TRDN: variants seen among roughly 807,000 people sequenced by gnomAD.
TRDN encodes triadin.
TRDN carries 161 observed loss-of-function variants against 149.7 expected under a neutral mutation model. The ratio of observed to expected loss-of-function variants is 1.08; its 90% CI spans 0.95 to 1.23. The LOEUF (loss-of-function observed/expected upper bound fraction) is 1.23, where lower values mean the gene tolerates loss of function less well. TRDN is among the 50% of genes most tolerant of loss of function. The probability of loss-of-function intolerance (pLI) is 0.00; values close to 1 mark genes in which losing one functional copy is unlikely to be tolerated. For missense variants in TRDN, 896 were observed against 823.5 expected (o/e 1.09, Z -1.08); for synonymous variants, 294 against 250.5 (o/e 1.17, Z -1.64).
chr6:123,367,464 T>A (rs1401551544), intron 19 of TRDN, among the ~76,000 whole-genome samples: 1 of 152,098 alleles, frequency 6.6e-6, no homozygotes, highest in Non-Finnish European at 1.5e-5. Flanking sequence ...ACATCAGACA[T>A]CAGAAGGAGA....
At chr6:123,463,367 AT>A (rs1295348736) in intron 10 of TRDN, among the ~76,000 whole-genome samples, 8 of 150,604 alleles carry the variant, frequency 5.3e-5, no homozygotes, top group African/African-American at 9.7e-5. Flanking sequence ...TAATAAATAA[AT>A]AAATAAATAA....
intron 12 of TRDN, among the ~76,000 whole-genome samples, chr6:123,407,473 T>C (rs1773243447): frequency 6.6e-6 from 1 of 152,130 alleles, no homozygotes; most frequent in Admixed American, 6.5e-5. Context: ...GCCAACATAG[T>C]GCTTCACCAG....
Position 123,224,113 on chromosome 6 carries a change from G to A in TRDN, c.1994C>T (p.Pro665Leu). The A allele has an allele frequency of 6.2e-7, 1 of 1,610,350 alleles. No individual in the cohort carries two copies. The highest frequency in any genetic ancestry group is 2.2e-5 in the East Asian group (1 of 44,754). ...CTCACCTTTAGCTTTCTTTGAAGCT[G>A]GTACATCTTCAACATCTTCTAGAGT... ...ARVSKDVEDV[P>L]ASKKAKEGTE... The change falls in exon 39 of 41, where the codon CCA (proline) becomes CTA (leucine). Residue 665 changes from proline to leucine, a missense_variant. Transcript: ENST00000334268.
intron 24 of TRDN, among the ~76,000 whole-genome samples, chr6:123,292,026 T>C (rs1048519836): frequency 6.6e-6 from 1 of 152,122 alleles, no homozygotes; most frequent in Non-Finnish European, 1.5e-5. Context: ...TCATTTTGGC[T>C]TTTGGTTTTT....
chr6:123,519,575 G>A (rs1562361258), intron 5 of TRDN, among the ~76,000 whole-genome samples: 1 of 148,088 alleles, frequency 6.8e-6, no homozygotes. Context: ...TTCTTAGGTT[G>A]AAAATCAAAA....
intron 38 of TRDN, among the ~76,000 whole-genome samples, chr6:123,225,129 GA>G (rs71021441): frequency 0.25 from 37,771 of 151,440 alleles, 5,619 homozygotes; most frequent in Non-Finnish European, 0.34. Flanking sequence ...CAGGCACGTG[GA>G]AAGATGCCTT....
At chr6:123,408,948 G>A (rs1773315657) in intron 12 of TRDN, among the ~76,000 whole-genome samples, 2 of 152,084 alleles carry the variant, frequency 1.3e-5, no homozygotes. Context: ...CATACAAAAT[G>A]TTACCCTCCT....
intron 1 of TRDN, among the ~76,000 whole-genome samples, chr6:123,617,050 T>A (rs1785125826): frequency 1.3e-5 from 2 of 152,196 alleles, no homozygotes; most frequent in South Asian, 4.1e-4. Flanking sequence ...CTCAAACAGA[T>A]CATATTTAGC....
intron 24 of TRDN, among the ~76,000 whole-genome samples, chr6:123,303,946 A>C (rs936598272): frequency 2.6e-5 from 4 of 152,148 alleles, no homozygotes; most frequent in Admixed American, 1.3e-4. Context: ...AGAAGAATTA[A>C]AAAAATGGAG....
At chr6:123,633,782 T>A (rs1786141110) in intron 1 of TRDN, among the ~76,000 whole-genome samples, 1 of 152,000 alleles carries the variant, frequency 6.6e-6, no homozygotes, top group South Asian at 2.1e-4. Context: ...GTAAGCCAGC[T>A]TGGAACCTGC....
intron 24 of TRDN, among the ~76,000 whole-genome samples, chr6:123,289,368 GC>G (rs1777918375): frequency 6.6e-6 from 1 of 151,928 alleles, no homozygotes; most frequent in Non-Finnish European, 1.5e-5. Context: ...ATAAAAGGGT[GC>G]AAAGTTTCAG....
chr6:123,520,002 A>G (rs912650225), intron 5 of TRDN, among the ~76,000 whole-genome samples: 2 of 152,118 alleles, frequency 1.3e-5, no homozygotes, highest in Admixed American at 1.3e-4. Flanking sequence ...CATGATACAC[A>G]TTCATTTTAA....
chr6:123,324,287 A>T (rs6903607), intron 23 of TRDN, among the ~76,000 whole-genome samples: 27,508 of 152,016 alleles, frequency 0.18, 3,489 homozygotes, highest in East Asian at 0.63. Context: ...AAATAATAGA[A>T]GACTTACAGT....
chr6:123,290,814 G>C (rs1777983527), intron 24 of TRDN, among the ~76,000 whole-genome samples: 1 of 152,128 alleles, frequency 6.6e-6, no homozygotes, highest in Non-Finnish European at 1.5e-5. Context: ...CAAAATATGA[G>C]GGAACCAGTG....
Position 123,537,689 on chromosome 6 carries a change from T to C in TRDN, c.425-7124A>G, listed in dbSNP as rs527908722. Among the ~76,000 whole-genome samples, 38 of 152,218 alleles carry C rather than the reference T, an allele frequency of 2.5e-4. No homozygotes were observed. In the Middle Eastern group the frequency reaches 0.01, roughly 41 times the overall value. ...CCAGACTCTCTGAGCTCAACTTCCA[T>C]ATGTAACTGGGAAGAAAGGCCACAG... On this transcript the variant is annotated intron_variant, in intron 4 of 40. Transcript: ENST00000334268.
intron 12 of TRDN, among the ~76,000 whole-genome samples, chr6:123,406,817 C>T (rs1041261413): frequency 6.6e-6 from 1 of 152,108 alleles, no homozygotes; most frequent in Non-Finnish European, 1.5e-5. Context: ...GGAAGTCCAA[C>T]ATAGAAGGGT....
intron 1 of TRDN, among the ~76,000 whole-genome samples, chr6:123,586,395 T>TAGAAA: frequency 6.6e-6 from 1 of 151,832 alleles, no homozygotes; most frequent in South Asian, 2.1e-4. Flanking sequence ...AAAGACTCAG[T>TAGAAA]GATGCTTGGG....
intron 19 of TRDN, among the ~76,000 whole-genome samples, chr6:123,373,525 G>T (rs1781399834): frequency 6.6e-6 from 1 of 152,120 alleles, no homozygotes. Context: ...ATGTCCTCCA[G>T]TATTTTTCCT....
intron 1 of TRDN, among the ~76,000 whole-genome samples, chr6:123,589,698 T>C (rs1416017608): frequency 6.6e-6 from 1 of 152,154 alleles, no homozygotes; most frequent in Admixed American, 6.5e-5. Context: ...TGTAAGAGAG[T>C]ATGACAGTCC....
Sources: allele counts gnomAD v4.1 joint callset (sites outside exome capture counted in the v4.1 genomes callset), GRCh38; gene constraint gnomAD v4.1.1; transcripts MANE v1.5; gene names NCBI Gene and HGNC (gene_info 2026-07-23, HGNC 2026-07-21).